Variants in DCX observed in about 807,000 individuals in gnomAD.
DCX encodes the protein neuronal migration protein doublecortin.
In DCX, 4 loss-of-function variants were observed where a neutral mutation model predicts 20.9. The observed-to-expected ratio is 0.19, with a 90% CI of 0.09 to 0.44. The LOEUF (loss-of-function observed/expected upper bound fraction) is 0.44. Among genes scored for constraint, DCX ranks in the 20% least tolerant of loss-of-function variants. DCX has a pLI of 0.99. For synonymous variants in DCX, 103 were observed against 111.4 expected (o/e 0.92, Z 0.47); for missense variants, 133 against 296.9 (o/e 0.45, Z 4.06).
At chrX:111,361,927 T>G (rs1194918335) in intron 3 of DCX, among the ~76,000 whole-genome samples, 1 of 112,155 alleles carries the variant, frequency 8.9e-6, no homozygotes, top group Non-Finnish European at 1.9e-5. Context: ...TTTTCATGAA[T>G]TAGGGCTATT....
At chrX:111,391,002 A>T (rs1416750266) in intron 3 of DCX, among the ~76,000 whole-genome samples, 1 of 6,790 alleles carries the variant, frequency 1.5e-4, no homozygotes, top group Non-Finnish European at 7.5e-4. Flanking sequence ...ATATCCTGCT[A>T]AAAAAAAAAA....
intron 3 of DCX, among the ~76,000 whole-genome samples, chrX:111,383,113 C>T (rs1276254425): frequency 2.7e-5 from 3 of 110,872 alleles, no homozygotes; most frequent in African/African-American, 9.8e-5. Flanking sequence ...GACTCCCAAG[C>T]CAGGAACAAA....
chrX:111,297,801 G>A lies in DCX; in HGVS notation c.*3886C>T, dbSNP rs759013994. The A allele has an allele frequency of 8.9e-6, 1 of 112,005 alleles. No homozygotes were observed. Among genetic ancestry groups the A allele is most frequent in the African/African-American group, 3.3e-5 (1 of 30,690 alleles). The allele number at this position is 112,005 out of a possible 1,213,427, so 9.2% of individuals were successfully genotyped here. On this transcript the variant is annotated 3_prime_UTR_variant, in exon 7 of 7. Transcript: ENST00000636035. ...CAGTGTACACAAGACGATGGGAAGAGTGTATAGAGCACACAGCTTGCTATT... is the reference window on the plus strand; with the variant it reads ...CAGTGTACACAAGACGATGGGAAGAATGTATAGAGCACACAGCTTGCTATT...
intron 3 of DCX, among the ~76,000 whole-genome samples, chrX:111,356,057 C>A (rs1352482268): frequency 8.9e-6 from 1 of 111,762 alleles, no homozygotes; most frequent in Non-Finnish European, 1.9e-5. Flanking sequence ...CTAATTTTTG[C>A]AAAGGGGAAG....
At chrX:111,398,733 A>G (rs1217655867) in intron 3 of DCX, among the ~76,000 whole-genome samples, 1 of 111,968 alleles carries the variant, frequency 8.9e-6, no homozygotes, top group Non-Finnish European at 1.9e-5. Flanking sequence ...GTCCCTTTAT[A>G]TATTATTTGG....
At chrX:111,330,016 C>T (rs1054476120) in intron 5 of DCX, among the ~76,000 whole-genome samples, 2 of 111,959 alleles carry the variant, frequency 1.8e-5, no homozygotes, top group Non-Finnish European at 3.8e-5. Flanking sequence ...CTTCTAAGGC[C>T]TTTTATTTTT....
At chrX:111,332,198 C>A (rs1485102949) in intron 4 of DCX, among the ~76,000 whole-genome samples, 1 of 112,323 alleles carries the variant, frequency 8.9e-6, no homozygotes, top group Non-Finnish European at 1.9e-5. Flanking sequence ...CTTTAGTGAT[C>A]ACTGTCCAGA....
intron 5 of DCX, among the ~76,000 whole-genome samples, chrX:111,316,602 A>G (rs1449264922): frequency 3.6e-5 from 4 of 111,661 alleles, no homozygotes; most frequent in African/African-American, 1.3e-4. Flanking sequence ...CAAGTAAATA[A>G]AAGGCATCCA....
chrX:111,369,486 C>A (rs543598394), intron 3 of DCX, among the ~76,000 whole-genome samples: 1 of 111,689 alleles, frequency 9.0e-6, no homozygotes, highest in East Asian at 2.8e-4. Flanking sequence ...ACTAGGCAAA[C>A]AACCAATTCA....
intron 6 of DCX, among the ~76,000 whole-genome samples, chrX:111,306,216 T>A (rs1219262332): frequency 9.0e-6 from 1 of 111,000 alleles, no homozygotes; most frequent in Non-Finnish European, 1.9e-5. Context: ...CCCACAAATA[T>A]GTTGAAAGTA....
At chrX:111,330,203 A>G (rs1376157739) in intron 5 of DCX, among the ~76,000 whole-genome samples, 1 of 112,271 alleles carries the variant, frequency 8.9e-6, no homozygotes, top group Non-Finnish European at 1.9e-5. Flanking sequence ...TTAATGGCAT[A>G]GTTTATTTAC....
chrX:111,356,275 A>T (rs956889838), intron 3 of DCX, among the ~76,000 whole-genome samples: 2 of 112,286 alleles, frequency 1.8e-5, no homozygotes, highest in African/African-American at 3.2e-5. Context: ...GGCCTGGGTT[A>T]GGACTGGCAA....
chrX:111,356,541 G>A (rs930056530), intron 3 of DCX, among the ~76,000 whole-genome samples: 3 of 112,254 alleles, frequency 2.7e-5, no homozygotes, highest in African/African-American at 9.7e-5. Flanking sequence ...TTCTAAGGAC[G>A]GGGAGTGAGA....
At chrX:111,391,001 T>TAAA (rs56173739) in intron 3 of DCX, among the ~76,000 whole-genome samples, 1 of 82,254 alleles carries the variant, frequency 1.2e-5, no homozygotes, top group African/African-American at 4.5e-5. Flanking sequence ...GATATCCTGC[T>TAAA]AAAAAAAAAA....
At chrX:111,313,417 A>G (rs770975297) in intron 5 of DCX, among the ~76,000 whole-genome samples, 16 of 110,807 alleles carry the variant, frequency 1.4e-4, no homozygotes, top group Non-Finnish European at 3.8e-5. Context: ...CAGAGGAGAA[A>G]ATCAAAAAAG....
At chrX:111,404,475 A>C (rs1440616269) in intron 2 of DCX, among the ~76,000 whole-genome samples, 1 of 112,052 alleles carries the variant, frequency 8.9e-6, no homozygotes, top group Non-Finnish European at 1.9e-5. Context: ...AGAGCAGGAT[A>C]TTTATCGTCG....
In DCX at chrX:111,297,539, T is replaced by C. The variant is rs1376105752; in HGVS notation, c.*4148A>G. 2.7e-5 allele frequency: 3 copies of C among 111,839 alleles called. No individual in the cohort carries two copies. Among genetic ancestry groups the C allele is most frequent in the African/African-American group, 9.8e-5 (3 of 30,757 alleles). 9.2% of individuals were successfully genotyped at this position (111,839 alleles called of 1,213,427 possible). A position where few individuals can be genotyped will look rare whatever the true frequency, so the allele number is the denominator to read the frequency against. On this transcript the variant is annotated 3_prime_UTR_variant, in exon 7 of 7. Coordinates refer to ENST00000636035, the MANE Select transcript of DCX (RefSeq NM_001195553.2). ...GAGGATTCAAAGAAGAATCTCAGGG[T>C]TCCTTGCCTTCTTCAAATAGCTACA...
intron 3 of DCX, among the ~76,000 whole-genome samples, chrX:111,338,493 C>T (rs1921928861): frequency 1.8e-5 from 2 of 111,362 alleles, no homozygotes; most frequent in African/African-American, 3.3e-5. Context: ...GGAACATTTC[C>T]CACCTACCAG....
intron 3 of DCX, among the ~76,000 whole-genome samples, chrX:111,394,353 G>A (rs1445861610): frequency 9.0e-6 from 1 of 111,586 alleles, no homozygotes; most frequent in Non-Finnish European, 1.9e-5. Context: ...GAACTAGAGG[G>A]CAATGTCTAA....
Sources: gnomAD v4.1 joint callset for allele counts (sites outside exome capture counted in the v4.1 genomes callset) on GRCh38, gnomAD v4.1.1 for gene constraint, MANE v1.5 for transcripts, NCBI Gene and HGNC (gene_info 2026-07-23, HGNC 2026-07-21) for gene names.